Variants in TEPSIN observed in about 807,000 individuals in gnomAD.
The protein encoded by TEPSIN is TEPSIN adaptor related protein complex 4 accessory protein, also known as AP-4 complex accessory subunit tepsin.
In TEPSIN, 50 loss-of-function variants were observed where a neutral mutation model predicts 48.5. The observed-to-expected ratio is 1.03, with a 90% CI of 0.82 to 1.31. The LOEUF is 1.31. Ranked by LOEUF, TEPSIN falls within the 50% of genes most tolerant of loss-of-function variation. The pLI, the probability that TEPSIN is intolerant of heterozygous loss-of-function variation, is 0.00. For synonymous variants in TEPSIN, 392 were observed against 358.8 expected (o/e 1.09, Z -1.05); for missense variants, 838 against 815.9 (o/e 1.03, Z -0.33).
At chr17:81,232,675 T>C in intron 7 of TEPSIN, 157 bp from the exon 8 acceptor site, 3 of 645,894 alleles carry the variant, frequency 4.6e-6, no homozygotes, top group Non-Finnish European at 7.8e-6. Context: ...CCAGGCCCTC[T>C]GGAAGCTCCC....
At position 81,228,572 on chromosome 17, in the gene TEPSIN, A is replaced by G. The variant is rs1156711848; in HGVS notation, c.*356T>C. The stretch of plus-strand genomic sequence containing the variant: ...GGGGAGCAGTGGCTTGTTGCTGCTC[A>G]TGACCTCCTGGGGAAGGAGGGAGCT... On this transcript the variant is annotated 3_prime_UTR_variant, in exon 13 of 13. Coordinates refer to ENST00000637944, the MANE Select transcript of TEPSIN (RefSeq NM_001363764.2). 2 of 331,946 alleles carry G rather than the reference A, an allele frequency of 6.0e-6. No homozygotes were observed. The highest frequency in any genetic ancestry group is 5.6e-6 in the Non-Finnish European group (1 of 179,662). The allele number at this position is 331,946 out of a possible 1,614,324, so 20.6% of individuals were successfully genotyped here. A position where few individuals can be genotyped will look rare whatever the true frequency, so the allele number is the denominator to read the frequency against.
Position 81,231,918 on chromosome 17 carries a change from C to G in TEPSIN, c.834G>C (p.Ser278=), listed in dbSNP as rs199523754. The G allele has an allele frequency of 2.5e-6, 4 of 1,613,524 alleles. No individual in the cohort carries two copies. The African/African-American group carries it at 5.3e-5, about 22-fold the overall frequency. The change falls in exon 9 of 13, where the codon TCG becomes TCC. Residue 278 remains serine (S), a synonymous_variant. Transcript: ENST00000637944. ...SSQNSDLSRV[S]DSGSHSGSDS... ...CGCTGCCGGAATGACTGCCCGAGTCCGAGACCCTGCTCAGGTCGCTGTTCT... is the reference window on the plus strand; with the variant it reads ...CGCTGCCGGAATGACTGCCCGAGTCGGAGACCCTGCTCAGGTCGCTGTTCT...
intron 3 of TEPSIN, 44 bp from the exon 4 acceptor site, chr17:81,236,845 G>C (rs1298545990): frequency 6.5e-7 from 1 of 1,547,712 alleles, no homozygotes; most frequent in East Asian, 2.4e-5. Context: ...GCCGGACACG[G>C]GACACCCAGG....
intron 1 of TEPSIN, chr17:81,237,901 G>T: frequency 2.3e-6 from 2 of 880,444 alleles, no homozygotes; most frequent in Non-Finnish European, 2.8e-6. Flanking sequence ...AGTGACAGCC[G>T]CTCAGCGTGA....
chr17:81,237,016 G>A lies in TEPSIN; in HGVS notation c.177C>T (p.Ser59=), dbSNP rs147158246. 7.0e-5 allele frequency: 111 copies of A among 1,596,610 alleles called. No homozygotes were observed. The highest frequency in any genetic ancestry group is 9.2e-5 in the Non-Finnish European group (108 of 1,172,134). The change falls in exon 3 of 13, where the codon AGC becomes AGT. Residue 59 remains serine, a synonymous_variant. Transcript: ENST00000637944. ...CGTGGCCGGAGCTGCTGTGCAGGCG[G>A]CTCAGGAGGTACTCCAGCAGGCACT... The part of the protein sequence containing the change: ...SSQCLLEYLL[S]RLHSSSGHGK...
intron 4 of TEPSIN, among the ~76,000 whole-genome samples, chr17:81,236,203 C>T (rs1015014396): frequency 3.3e-5 from 5 of 152,178 alleles, no homozygotes; most frequent in Admixed American, 6.5e-5. Flanking sequence ...CTGGACAGAC[C>T]GACTGGCCGG....
intron 10 of TEPSIN, 41 bp downstream of exon 10, chr17:81,231,537 T>G: frequency 1.9e-6 from 3 of 1,594,658 alleles, no homozygotes; most frequent in Non-Finnish European, 2.6e-6. Context: ...TCGCCCACGG[T>G]TGGGGCTGAG....
chr17:81,237,094 AAGGGCG>A (rs1246398168), intron 2 of TEPSIN, 23 bp from the exon 3 acceptor site: 3 of 1,564,768 alleles, frequency 1.9e-6, no homozygotes, highest in Non-Finnish European at 2.6e-6. Context: ...CGGGTTAGGG[AAGGGCG>A]AGATGATGAG....
rs1295004537 is a variant in TEPSIN at position 81,236,792 on chromosome 17, T to A, written c.223A>T (p.Ile75Phe). ...SGHGKLKVLK[I>F]LLYLCSHGSS... ...CCGTGGCTGCACAGATAGAGCAGGA[T>A]CTTCAGCACCTGGGGAGTGGGGCGG... Residue 75 changes from isoleucine (I) to phenylalanine (F), a missense_variant, in exon 4 of 13, where the codon ATC becomes TTC. By Grantham distance (21) the Ile-to-Phe change is conservative. Transcript: ENST00000637944. 3.2e-6 allele frequency: 5 copies of A among 1,566,036 alleles called. No individual in the cohort carries two copies. In the South Asian group the frequency reaches 3.5e-5, roughly 11 times the overall value.
Position 81,233,586 on chromosome 17 carries a change from A to T in TEPSIN, c.454+52T>A. 6.4e-7 allele frequency: 1 copy of T among 1,571,346 alleles called. No homozygotes were observed. The highest frequency in any genetic ancestry group is 8.6e-7 in the Non-Finnish European group (1 of 1,157,146). Reference sequence around the variant, plus strand: ...ATGGCACAGACACCCAGGACACTCAAGGAGGCAGAAACCAGGTGCCAGAGC... The same window carrying T: ...ATGGCACAGACACCCAGGACACTCATGGAGGCAGAAACCAGGTGCCAGAGC... On this transcript the variant is annotated intron_variant, in intron 6 of 12. Coordinates refer to ENST00000637944, the MANE Select transcript of TEPSIN (RefSeq NM_001363764.2). This position sits in a 1 kb window ranked among gnomAD's most constrained non-coding sequence, Gnocchi z 5.8.
intron 11 of TEPSIN, chr17:81,231,105 A>C: frequency 1.8e-6 from 1 of 541,178 alleles, no homozygotes; most frequent in Non-Finnish European, 3.3e-6. Context: ...ACATACATAC[A>C]CAACCACACA....
Position 81,229,178 on chromosome 17 carries a change from C to G in TEPSIN, c.1532G>C (p.Arg511Pro). The change falls in exon 13 of 13, where the codon CGG (arginine) becomes CCG (proline). Residue 511 changes from arginine (R) to proline (P), a missense_variant. Coordinates refer to ENST00000637944, the MANE Select transcript of TEPSIN (RefSeq NM_001363764.2). ...CCCTGGGATCCGTTCAGGTCTCCAC[C>G]GCCTGCTTTCTGCCAGTCTGGCCTC... Reference protein sequence around the residue: ...EAEARLAESRRWRPERIPGGT... With the variant: ...EAEARLAESRPWRPERIPGGT... The G allele has an allele frequency of 1.9e-6, 3 of 1,611,360 alleles. No individual in the cohort carries two copies. The highest frequency in any genetic ancestry group is 1.7e-6 in the Non-Finnish European group (2 of 1,179,416).
chr17:81,237,284 G>C, intron 2 of TEPSIN, 103 bp downstream of exon 2: 1 of 1,363,318 alleles, frequency 7.3e-7, no homozygotes, highest in Non-Finnish European at 1.0e-6. Flanking sequence ...TAAAGGAGCC[G>C]TGCATCCCCC....
chr17:81,237,255 C>A, intron 2 of TEPSIN, 132 bp downstream of exon 2: 1 of 1,250,678 alleles, frequency 8.0e-7, no homozygotes, highest in Non-Finnish European at 1.1e-6. Flanking sequence ...CAGACCCCAC[C>A]CATGCCTGGT....
chr17:81,235,769 C>T (rs1240423924), intron 4 of TEPSIN, among the ~76,000 whole-genome samples: 1 of 152,196 alleles, frequency 6.6e-6, no homozygotes, highest in East Asian at 1.9e-4. Context: ...GTGAGGATGG[C>T]GAGAGCACCC....
intron 1 of TEPSIN, chr17:81,238,618 G>A (rs2062768986): frequency 3.6e-6 from 4 of 1,116,634 alleles, no homozygotes; most frequent in East Asian, 5.0e-5. Context: ...CAGGGAGGAC[G>A]GCGGGCTGCC....
chr17:81,237,530 A>C, intron 1 of TEPSIN, 71 bp from the exon 2 acceptor site: 1 of 1,473,964 alleles, frequency 6.8e-7, no homozygotes, highest in Non-Finnish European at 9.1e-7. Context: ...CAGCCCCCCA[A>C]AGGGGATGGA....
At position 81,228,479 on chromosome 17, in the gene TEPSIN, C is replaced by A; in HGVS notation, c.*449G>T. 3 of 255,556 alleles carry A rather than the reference C, an allele frequency of 1.2e-5. No individual in the cohort carries two copies. Among genetic ancestry groups the A allele is most frequent in the South Asian group, 1.2e-4 (3 of 25,658 alleles). The allele number at this position is 255,556 out of a possible 1,614,324, so 15.8% of individuals were successfully genotyped here. A position where few individuals can be genotyped will look rare whatever the true frequency, so the allele number is the denominator to read the frequency against. On this transcript the variant is annotated 3_prime_UTR_variant, in exon 13 of 13. Transcript: ENST00000637944. ...TCAGGCCAGACAGCACAAGGCAGCC[C>A]GGACAAGACACCCTCAACCCACATG...
intron 11 of TEPSIN, 174 bp downstream of exon 11, chr17:81,231,224 C>T (rs200927211): frequency 6.1e-6 from 4 of 658,370 alleles, no homozygotes; most frequent in Middle Eastern, 4.2e-4. Flanking sequence ...CATACATACA[C>T]AGGCATACAC....
Sources: allele counts gnomAD v4.1 joint callset (sites outside exome capture counted in the v4.1 genomes callset), GRCh38; gene constraint gnomAD v4.1.1; non-coding constraint Gnocchi (gnomAD v3.1); transcripts MANE v1.5; gene names NCBI Gene and HGNC (gene_info 2026-07-23, HGNC 2026-07-21).